TBCK: variants seen among roughly 807,000 people sequenced by gnomAD.
TBCK encodes TBC domain-containing protein kinase-like protein.
A neutral mutation model predicts 113.4 loss-of-function variants in TBCK; 99 were observed. The observed-to-expected ratio is 0.87, with a 90% CI of 0.74 to 1.03. The LOEUF is 1.03. TBCK is among the 50% of genes least tolerant of loss of function. The probability of loss-of-function intolerance (pLI) is 0.00; values close to 1 mark genes in which losing one functional copy is unlikely to be tolerated. For synonymous variants in TBCK, 369 were observed against 370.8 expected (o/e 1.00, Z 0.05); for missense variants, 1,045 against 1,061.3 (o/e 0.98, Z 0.21).
chr4:106,144,687 C>G (rs936057112), intron 23 of TBCK, among the ~76,000 whole-genome samples: 4 of 152,126 alleles, frequency 2.6e-5, no homozygotes, highest in African/African-American at 9.7e-5. Context: ...TAATCTCAAG[C>G]AATATTTTCT....
chr4:106,246,346 A>C (rs1422012885), intron 10 of TBCK, among the ~76,000 whole-genome samples: 1 of 152,196 alleles, frequency 6.6e-6, no homozygotes, highest in African/African-American at 2.4e-5. Flanking sequence ...GACTTAAGTC[A>C]TAACAACTTT....
intron 2 of TBCK, among the ~76,000 whole-genome samples, chr4:106,296,631 G>T (rs939258542): frequency 6.6e-6 from 1 of 152,110 alleles, no homozygotes. Context: ...AGTTTACTCT[G>T]TCTAGTGAAA....
chr4:106,250,543 C>T, intron 6 of TBCK, 65 bp from the exon 7 acceptor site: 1 of 888,724 alleles, frequency 1.1e-6, no homozygotes. Context: ...AGGCATTTTT[C>T]TCCCCTTATA....
intron 24 of TBCK, among the ~76,000 whole-genome samples, chr4:106,112,053 T>C (rs1742920582): frequency 6.6e-6 from 1 of 152,192 alleles, no homozygotes; most frequent in Non-Finnish European, 1.5e-5. Context: ...TTCAATTATT[T>C]GTTTTTCCCA....
intron 23 of TBCK, among the ~76,000 whole-genome samples, chr4:106,156,590 G>T (rs2149695643): frequency 6.6e-6 from 1 of 152,322 alleles, no homozygotes; most frequent in Non-Finnish European, 1.5e-5. Flanking sequence ...ATGAGACACA[G>T]TATTTCCCAT....
chr4:106,195,482 A>ATGTGTGTATG (rs1553957249), intron 20 of TBCK, among the ~76,000 whole-genome samples: 7 of 2,060 alleles, frequency 3.4e-3, no homozygotes, highest in Non-Finnish European at 0.012. Context: ...ATCTGGTTAA[A>ATGTGTGTATG]TGTGTGTGTT....
At chr4:106,153,582 T>C (rs1306110588) in intron 23 of TBCK, among the ~76,000 whole-genome samples, 1 of 152,090 alleles carries the variant, frequency 6.6e-6, no homozygotes, top group Non-Finnish European at 1.5e-5. Flanking sequence ...ATTTGGTCCA[T>C]TTGGTCTATA....
intron 3 of TBCK, among the ~76,000 whole-genome samples, chr4:106,293,202 C>T (rs1055626285): frequency 6.6e-6 from 1 of 152,192 alleles, no homozygotes; most frequent in Admixed American, 6.5e-5. Context: ...AAAGTCAAGA[C>T]AGAATATCCC....
At position 106,084,874 on chromosome 4, in the gene TBCK, C is replaced by T. The variant is rs1257895520; in HGVS notation, c.2571+10608G>A. 2.6e-5 allele frequency among the ~76,000 whole-genome samples: 4 copies of T among 152,278 alleles called. No individual in the cohort carries two copies. In the East Asian group the frequency reaches 7.7e-4, roughly 29 times the overall value. On this transcript the variant is annotated intron_variant, in intron 25 of 25. Coordinates refer to ENST00000394708, the MANE Select transcript of TBCK (RefSeq NM_001163435.3). Reference sequence around the variant, plus strand: ...GAGGAGAGATAAAATCCTTTACAGACAAGCAAATGCTGAGGAATTTCATTA... The same window carrying T: ...GAGGAGAGATAAAATCCTTTACAGATAAGCAAATGCTGAGGAATTTCATTA...
intron 23 of TBCK, among the ~76,000 whole-genome samples, chr4:106,161,134 C>T (rs1236543697): frequency 6.6e-6 from 1 of 151,824 alleles, no homozygotes; most frequent in African/African-American, 2.4e-5. Context: ...GATGGTTGCA[C>T]AACATTATGA....
At chr4:106,169,861 A>C (rs1026502979) in intron 23 of TBCK, among the ~76,000 whole-genome samples, 6 of 152,128 alleles carry the variant, frequency 3.9e-5, no homozygotes, top group Non-Finnish European at 7.4e-5. Context: ...GATTCTCATA[A>C]GGAATATGCA....
At chr4:106,188,068 A>G (rs1490445821) in intron 22 of TBCK, among the ~76,000 whole-genome samples, 6 of 152,144 alleles carry the variant, frequency 3.9e-5, no homozygotes, top group Admixed American at 3.9e-4. Context: ...TGTTGTAACT[A>G]GGACTTCCAG....
intron 3 of TBCK, among the ~76,000 whole-genome samples, chr4:106,287,955 T>C (rs1344067719): frequency 1.3e-5 from 2 of 152,148 alleles, no homozygotes; most frequent in Admixed American, 1.3e-4. Context: ...TTGAGGTAAC[T>C]TGTTAAGCAA....
chr4:106,145,872 C>T (rs550054307), intron 23 of TBCK, among the ~76,000 whole-genome samples: 14 of 152,024 alleles, frequency 9.2e-5, no homozygotes, highest in South Asian at 4.2e-4. Flanking sequence ...GTCAGAATGG[C>T]GATTACTAAA....
At chr4:106,088,784 T>C (rs1739817913) in intron 25 of TBCK, among the ~76,000 whole-genome samples, 1 of 152,184 alleles carries the variant, frequency 6.6e-6, no homozygotes, top group Admixed American at 6.5e-5. Context: ...TGCAGGGACA[T>C]GGATGAAGCT....
chr4:106,216,574 G>A (rs903230681), intron 19 of TBCK, among the ~76,000 whole-genome samples: 1 of 152,160 alleles, frequency 6.6e-6, no homozygotes, highest in Admixed American at 6.5e-5. Flanking sequence ...TACCATCAGA[G>A]AATACTACAA....
rs563490098 is a variant in TBCK at position 106,139,141 on chromosome 4, C to G, written c.2236-22763G>C. On this transcript the variant is annotated intron_variant, in intron 23 of 25. Transcript: ENST00000394708. ...TTGTCACTTGGAATATTCTCCTTGC[C>G]CCCACATCACTCTCCTCACTAGATA... Among the ~76,000 whole-genome samples, 394 of 140,314 alleles carry G rather than the reference C, an allele frequency of 2.8e-3. 32 individuals carry two copies. Among genetic ancestry groups the G allele is most frequent in the African/African-American group, 9.3e-3 (372 of 39,790 alleles). 92.1% of individuals were successfully genotyped at this position (140,314 alleles called of 152,430 possible). A position where few individuals can be genotyped will look rare whatever the true frequency, so the allele number is the denominator to read the frequency against.
chr4:106,105,041 A>G (rs1741981123), intron 24 of TBCK, among the ~76,000 whole-genome samples: 1 of 152,224 alleles, frequency 6.6e-6, no homozygotes, highest in South Asian at 2.1e-4. Flanking sequence ...CCCTGCCCAG[A>G]GCCTACAGGG....
intron 25 of TBCK, among the ~76,000 whole-genome samples, chr4:106,071,864 T>C (rs11817403): frequency 0.041 from 6,279 of 152,300 alleles, 438 homozygotes; most frequent in African/African-American, 0.14. Context: ...GCCTTAATTG[T>C]CTCTTTTGAT....
Sources: allele counts gnomAD v4.1 joint callset (sites outside exome capture counted in the v4.1 genomes callset), GRCh38; gene constraint gnomAD v4.1.1; transcripts MANE v1.5; gene names NCBI Gene and HGNC (gene_info 2026-07-23, HGNC 2026-07-21).